Variants in SNTA1 observed in about 807,000 individuals in gnomAD.
SNTA1 encodes the protein alpha-1-syntrophin.
In SNTA1, 31 loss-of-function variants were observed where a neutral mutation model predicts 47.1. The observed-to-expected ratio is 0.66, with a 90% CI of 0.49 to 0.89. The LOEUF is 0.89. SNTA1 is among the 40% of genes least tolerant of loss of function. SNTA1 has a pLI of 0.00. For missense variants in SNTA1, 575 were observed against 693.0 expected, an observed-to-expected ratio of 0.83 and a Z score of 1.91; for synonymous variants, 300 against 313.6, an observed-to-expected ratio of 0.96 and a Z score of 0.46.
chr20:33,434,230 A>G (rs1229344348), intron 2 of SNTA1, among the ~76,000 whole-genome samples: 3 of 152,060 alleles, frequency 2.0e-5, no homozygotes, highest in African/African-American at 7.2e-5. Flanking sequence ...CCACTCCCCA[A>G]AGTCTCAAGG....
At chr20:33,414,669 C>T (rs1229945152) in intron 3 of SNTA1, among the ~76,000 whole-genome samples, 3 of 152,136 alleles carry the variant, frequency 2.0e-5, no homozygotes, top group Admixed American at 6.6e-5. Context: ...CAACAGATAG[C>T]CAAAATACTA....
chr20:33,424,892 A>C (rs1027922992), intron 2 of SNTA1, among the ~76,000 whole-genome samples: 3 of 151,458 alleles, frequency 2.0e-5, no homozygotes, highest in African/African-American at 7.3e-5. Flanking sequence ...CGACGCGGGC[A>C]GATCACAAGG....
At chr20:33,410,420 C>A in intron 5 of SNTA1, 89 bp from the exon 6 acceptor site, 2 of 823,068 alleles carry the variant, frequency 2.4e-6, no homozygotes, top group Non-Finnish European at 4.0e-6. Flanking sequence ...TGGGAAGAAA[C>A]CCTGTAAATC....
intron 3 of SNTA1, among the ~76,000 whole-genome samples, chr20:33,416,429 G>A (rs1989876480): frequency 1.3e-5 from 2 of 152,212 alleles, no homozygotes; most frequent in Non-Finnish European, 2.9e-5. Context: ...AAGCAGAAAG[G>A]ACTACCAGGA....
chr20:33,411,064 G>A (rs1312515881), intron 5 of SNTA1, among the ~76,000 whole-genome samples: 2 of 152,084 alleles, frequency 1.3e-5, no homozygotes, highest in Non-Finnish European at 2.9e-5. Context: ...CACTTGCTGT[G>A]TGGCCTTGGT....
Position 33,443,463 on chromosome 20 carries a change from G to C in SNTA1, c.158C>G (p.Pro53Arg). The C allele has an allele frequency of 7.3e-7, 1 of 1,370,982 alleles. No individual in the cohort carries two copies. The highest frequency in any genetic ancestry group is 9.4e-7 in the Non-Finnish European group (1 of 1,058,888). The allele number at this position is 1,370,982 out of a possible 1,614,324, so 84.9% of individuals were successfully genotyped here. A position where few individuals can be genotyped will look rare whatever the true frequency, so the allele number is the denominator to read the frequency against. The stretch of plus-strand genomic sequence containing the variant: ...GGGCTCCTGCTCCCGCGGAGCGCCG[G>C]GCTCGGGACCAGGGTCGCCGTCGGC... ...SPADGDPGPEPGAPREQEPAQ... is the reference protein window; with the variant it reads ...SPADGDPGPERGAPREQEPAQ... Residue 53 changes from proline (P) to arginine (R), a missense_variant, in exon 1 of 8, where the codon CCC becomes CGC. Pro to Arg is a moderately radical substitution (Grantham distance 103, BLOSUM62 -2). Transcript: ENST00000217381.
At chr20:33,412,169 G>A in intron 5 of SNTA1, 127 bp downstream of exon 5, 1 of 1,045,082 alleles carries the variant, frequency 9.6e-7, no homozygotes, top group Middle Eastern at 3.1e-4. Context: ...ACAGGGCAGA[G>A]ACTTGCTTCA....
chr20:33,420,388 A>C (rs551671403), intron 2 of SNTA1, among the ~76,000 whole-genome samples: 1 of 152,292 alleles, frequency 6.6e-6, no homozygotes, highest in Non-Finnish European at 1.5e-5. Context: ...TTGATGTTTA[A>C]ACCTCATTGA....
chr20:33,408,469 T>G lies in SNTA1; in HGVS notation c.*38A>C. The G allele has an allele frequency of 6.9e-7, 1 of 1,449,376 alleles. No homozygotes were observed. The highest frequency in any genetic ancestry group is 9.7e-7 in the Non-Finnish European group (1 of 1,030,280). The allele number at this position is 1,449,376 out of a possible 1,614,324, so 89.8% of individuals were successfully genotyped here. On this transcript the variant is annotated 3_prime_UTR_variant, in exon 8 of 8. Coordinates refer to ENST00000217381, the MANE Select transcript of SNTA1 (RefSeq NM_003098.3). ...TGGAGGCCCAGCTCAGGCCATGTCA[T>G]GGACACCCCTCTTCAGGGCTAGTGC... is the stretch of plus-strand genomic sequence containing the variant.
chr20:33,409,298 G>A lies in SNTA1; in HGVS notation c.1238-410C>T, dbSNP rs140160168. On this transcript the variant is annotated intron_variant, in intron 6 of 7. Coordinates refer to ENST00000217381, the MANE Select transcript of SNTA1 (RefSeq NM_003098.3). ...TTCATTGTTAACCTGAAATTCAAAT[G>A]AGGCTGGGTGTCCTGTATTTATTTC... Among the ~76,000 whole-genome samples the A allele has an allele frequency of 8.3e-3, 1,270 of 152,270 alleles. 12 individuals carry two copies. The highest frequency in any genetic ancestry group is 0.028 in the African/African-American group (1,180 of 41,548).
At chr20:33,410,797 C>T (rs1453771330) in intron 5 of SNTA1, among the ~76,000 whole-genome samples, 2 of 152,176 alleles carry the variant, frequency 1.3e-5, no homozygotes, top group African/African-American at 4.8e-5. Flanking sequence ...TTTTGACTGT[C>T]TTTTTCACTA....
At position 33,408,332 on chromosome 20, in the gene SNTA1, C is replaced by T. The variant is rs1442799219; in HGVS notation, c.*175G>A. On this transcript the variant is annotated 3_prime_UTR_variant, in exon 8 of 8. Coordinates refer to ENST00000217381, the MANE Select transcript of SNTA1 (RefSeq NM_003098.3). ...CACAGGCAGAGTCCACTCTGTCCTGCGTCTGGGTCCTGGGCCCCAAGACCA... is the reference window on the plus strand; with the variant it reads ...CACAGGCAGAGTCCACTCTGTCCTGTGTCTGGGTCCTGGGCCCCAAGACCA... 1.8e-5 allele frequency: 12 copies of T among 658,696 alleles called. No individual in the cohort carries two copies. Among genetic ancestry groups the T allele is most frequent in the Non-Finnish European group, 2.2e-5 (8 of 359,072 alleles). The allele number at this position is 658,696 out of a possible 1,614,324, so 40.8% of individuals were successfully genotyped here. A position where few individuals can be genotyped will look rare whatever the true frequency, so the allele number is the denominator to read the frequency against.
chr20:33,411,112 C>T (rs1250108958), intron 5 of SNTA1, among the ~76,000 whole-genome samples: 2 of 152,094 alleles, frequency 1.3e-5, no homozygotes, highest in Non-Finnish European at 2.9e-5. Context: ...AAGTTCTGCC[C>T]CATATCCCTC....
chr20:33,443,722 G>T lies in SNTA1; in HGVS notation c.-102C>A. On this transcript the variant is annotated 5_prime_UTR_variant, in exon 1 of 8. Coordinates refer to ENST00000217381, the MANE Select transcript of SNTA1 (RefSeq NM_003098.3). Reference sequence around the variant, plus strand: ...GCAGAGGGCAGCGGGGGCCCGGCTGGGCCAGCCGCCACCCTACCCCGGCCG... The same window carrying T: ...GCAGAGGGCAGCGGGGGCCCGGCTGTGCCAGCCGCCACCCTACCCCGGCCG... 1.4e-6 allele frequency: 1 copy of T among 721,020 alleles called. No individual in the cohort carries two copies. Among genetic ancestry groups the T allele is most frequent in the Non-Finnish European group, 1.8e-6 (1 of 558,138 alleles). 44.7% of individuals were successfully genotyped at this position (721,020 alleles called of 1,614,324 possible).
In SNTA1 at chr20:33,408,583, G is replaced by A. The variant is rs370531842; in HGVS notation, c.1442C>T (p.Ser481Leu). Residue 481 changes from serine (S) to leucine (L), a missense_variant, in exon 8 of 8, where the codon TCG becomes TTG. Coordinates refer to ENST00000217381, the MANE Select transcript of SNTA1 (RefSeq NM_003098.3). ...AEGEIQLDLH[S>L]CPKTIVFIIH... ...GATGAAGACTATGGTTTTGGGACAC[G>A]AGTGCAGGTCCAGCTGCTGGAGGGT... 1.1e-4 allele frequency: 175 copies of A among 1,613,950 alleles called. No individual in the cohort carries two copies. Among genetic ancestry groups the A allele is most frequent in the Non-Finnish European group, 1.4e-4 (161 of 1,179,932 alleles).
In SNTA1 at chr20:33,443,464, G is replaced by A. The variant is rs1033217999; in HGVS notation, c.157C>T (p.Pro53Ser). Residue 53 changes from proline to serine, a missense_variant, in exon 1 of 8, where the codon CCC becomes TCC. Coordinates refer to ENST00000217381, the MANE Select transcript of SNTA1 (RefSeq NM_003098.3). ...GGCTCCTGCTCCCGCGGAGCGCCGG[G>A]CTCGGGACCAGGGTCGCCGTCGGCG... is the stretch of plus-strand genomic sequence containing the variant. ...SPADGDPGPE[P>S]GAPREQEPAQ... 1 of 1,372,276 alleles carries A rather than the reference G, an allele frequency of 7.3e-7. No individual in the cohort carries two copies. Among genetic ancestry groups the A allele is most frequent in the South Asian group, 1.6e-5 (1 of 61,166 alleles). 85.0% of individuals were successfully genotyped at this position (1,372,276 alleles called of 1,614,324 possible).
intron 2 of SNTA1, among the ~76,000 whole-genome samples, chr20:33,418,746 T>C (rs891773510): frequency 7.1e-6 from 1 of 140,336 alleles, no homozygotes; most frequent in African/African-American, 2.8e-5. Context: ...TGAGCCAAGA[T>C]TGTGCCACTG....
intron 2 of SNTA1, among the ~76,000 whole-genome samples, chr20:33,426,138 A>T (rs1294473765): frequency 6.6e-6 from 1 of 151,774 alleles, no homozygotes; most frequent in African/African-American, 2.4e-5. Flanking sequence ...AAATATATCT[A>T]CTTTAAAGGG....
chr20:33,443,743 G>T lies in SNTA1; in HGVS notation c.-123C>A, dbSNP rs1342400659. 2 of 482,202 alleles carry T rather than the reference G, an allele frequency of 4.1e-6. No homozygotes were observed. The highest frequency in any genetic ancestry group is 5.8e-6 in the Non-Finnish European group (2 of 342,020). 29.9% of individuals were successfully genotyped at this position (482,202 alleles called of 1,614,324 possible). On this transcript the variant is annotated 5_prime_UTR_variant, in exon 1 of 8. Coordinates refer to ENST00000217381, the MANE Select transcript of SNTA1 (RefSeq NM_003098.3). ...GCTGGGCCAGCCGCCACCCTACCCC[G>T]GCCGCTGGGGGAGGAGCTCTGGGGG...
Sources: allele counts gnomAD v4.1 joint callset (sites outside exome capture counted in the v4.1 genomes callset), GRCh38; gene constraint gnomAD v4.1.1; transcripts MANE v1.5; gene names NCBI Gene and HGNC (gene_info 2026-07-23, HGNC 2026-07-21).